Variants in RBMS3 observed in about 807,000 individuals in gnomAD.
RBMS3 encodes the protein RNA binding motif single stranded interacting protein 3.
Under a neutral mutation model 66.8 loss-of-function variants are expected in RBMS3, and 27 were observed. That is an observed-to-expected ratio of 0.40 (90% CI 0.30 to 0.56). RBMS3 has a LOEUF of 0.56. RBMS3 is among the 20% of genes least tolerant of loss of function. The pLI is 0.40. For synonymous variants in RBMS3, 188 were observed against 183.0 expected (o/e 1.03, Z -0.22); for missense variants, 513 against 549.5 (o/e 0.93, Z 0.66).
intron 1 of RBMS3, among the ~76,000 whole-genome samples, chr3:29,370,706 A>T (rs1305323912): frequency 1.3e-5 from 2 of 152,170 alleles, no homozygotes; most frequent in South Asian, 2.1e-4. Context: ...ATTAGTGTGG[A>T]TTGCTTTGGT....
intron 6 of RBMS3, among the ~76,000 whole-genome samples, chr3:29,781,691 G>A (rs773365390): frequency 1.7e-4 from 26 of 151,954 alleles, no homozygotes; most frequent in Admixed American, 1.1e-3. Context: ...CCAAAAAACC[G>A]TGAGTCTGCT....
At chr3:29,868,647 A>T (rs1314369322) in intron 6 of RBMS3, among the ~76,000 whole-genome samples, 2 of 152,176 alleles carry the variant, frequency 1.3e-5, no homozygotes, top group East Asian at 3.9e-4. Context: ...AATATTTGTT[A>T]TATTCTTTTA....
intron 2 of RBMS3, among the ~76,000 whole-genome samples, chr3:29,445,981 G>T (rs2041816336): frequency 6.6e-6 from 1 of 152,090 alleles, no homozygotes; most frequent in Non-Finnish European, 1.5e-5. Context: ...GATGAGTTTT[G>T]AAAATGCATG....
chr3:29,318,883 G>A (rs181700819), intron 1 of RBMS3, among the ~76,000 whole-genome samples: 169 of 151,832 alleles, frequency 1.1e-3, no homozygotes, highest in Non-Finnish European at 1.9e-3. Context: ...GGGGCATAAA[G>A]GGATCAAAAT....
At chr3:29,369,667 G>A (rs1452877877) in intron 1 of RBMS3, among the ~76,000 whole-genome samples, 1 of 150,130 alleles carries the variant, frequency 6.7e-6, no homozygotes, top group African/African-American at 2.5e-5. Flanking sequence ...AGGAAAGACA[G>A]GTGGGAAAAT....
chr3:29,955,311 G>C (rs546958065), intron 12 of RBMS3, among the ~76,000 whole-genome samples: 2 of 151,934 alleles, frequency 1.3e-5, no homozygotes. Context: ...ATCCAATGCC[G>C]ATTTCAGCTG....
intron 12 of RBMS3, among the ~76,000 whole-genome samples, chr3:29,946,502 G>A (rs1695322757): frequency 6.6e-6 from 1 of 151,648 alleles, no homozygotes; most frequent in African/African-American, 2.4e-5. Context: ...GGGATACAAA[G>A]ATGAGCAGAA....
At chr3:29,722,863 C>G (rs2053701940) in intron 4 of RBMS3, among the ~76,000 whole-genome samples, 1 of 152,038 alleles carries the variant, frequency 6.6e-6, no homozygotes, top group African/African-American at 2.4e-5. Flanking sequence ...ACTTTGATCA[C>G]TTGTTTGCGG....
At chr3:29,796,931 C>G (rs1477097406) in intron 6 of RBMS3, among the ~76,000 whole-genome samples, 1 of 151,988 alleles carries the variant, frequency 6.6e-6, no homozygotes, top group Non-Finnish European at 1.5e-5. Context: ...CCAGGATGGT[C>G]TCGATCTCCT....
chr3:29,739,992 T>C, intron 5 of RBMS3, 115 bp downstream of exon 5: 1 of 713,416 alleles, frequency 1.4e-6, no homozygotes, highest in Non-Finnish European at 2.1e-6. Context: ...AAAAAAAAAT[T>C]AAAAGTAGCT....
chr3:29,766,338 A>T (rs879863723), intron 6 of RBMS3: 20 of 152,108 alleles, frequency 1.3e-4, no homozygotes, highest in Non-Finnish European at 2.9e-4. Context: ...ACAAGGAAAA[A>T]ATCTATTTCA....
intron 12 of RBMS3, among the ~76,000 whole-genome samples, chr3:29,967,312 G>A (rs897573672): frequency 6.6e-6 from 1 of 151,992 alleles, no homozygotes; most frequent in Non-Finnish European, 1.5e-5. Flanking sequence ...CTATGAATCC[G>A]TCTGGTCCTG....
At position 29,434,571 on chromosome 3, in the gene RBMS3, G is replaced by T. The variant is rs537064164; in HGVS notation, c.76-172G>T. 3.5e-4 allele frequency among the ~76,000 whole-genome samples: 53 copies of T among 152,130 alleles called. 1 individual carries two copies. The highest frequency in any genetic ancestry group is 6.5e-4 in the Non-Finnish European group (44 of 68,026). ...ATGCTGATCTGAATGGAGGGCCAGG[G>T]CGGGGGACGATATTCTTGAATGCAA... On this transcript the variant is annotated intron_variant, in intron 1 of 14. Transcript: ENST00000383767.
intron 6 of RBMS3, among the ~76,000 whole-genome samples, chr3:29,847,586 C>T (rs544857474): frequency 6.6e-6 from 1 of 151,830 alleles, no homozygotes; most frequent in Non-Finnish European, 1.5e-5. Context: ...ACTAGTCATT[C>T]TGTTAAATCC....
intron 11 of RBMS3, among the ~76,000 whole-genome samples, chr3:29,943,578 T>C (rs1400944501): frequency 5.9e-5 from 9 of 151,782 alleles, no homozygotes; most frequent in Non-Finnish European, 8.8e-5. Flanking sequence ...GGGATAAAGA[T>C]AACCGTCACG....
intron 10 of RBMS3, among the ~76,000 whole-genome samples, chr3:29,919,526 T>C (rs1016474789): frequency 6.6e-6 from 1 of 152,230 alleles, no homozygotes; most frequent in Non-Finnish European, 1.5e-5. Flanking sequence ...CATTGCTCCA[T>C]TTGCTAATCC....
chr3:29,814,624 G>T (rs1309449168), intron 6 of RBMS3, among the ~76,000 whole-genome samples: 1 of 152,078 alleles, frequency 6.6e-6, no homozygotes, highest in Non-Finnish European at 1.5e-5. Flanking sequence ...ACTCTTTTTG[G>T]TTGGTAAGCT....
At chr3:29,809,579 T>C (rs73831063) in intron 6 of RBMS3, among the ~76,000 whole-genome samples, 2,179 of 152,058 alleles carry the variant, frequency 0.014, 49 homozygotes, top group South Asian at 0.059. Context: ...ATCATATATT[T>C]GATTGATAAA....
At chr3:29,362,615 C>T (rs1575617915) in intron 1 of RBMS3, among the ~76,000 whole-genome samples, 1 of 152,162 alleles carries the variant, frequency 6.6e-6, no homozygotes, top group East Asian at 1.9e-4. Flanking sequence ...CTGCGTCACT[C>T]ACACTGGGAG....
Sources: gnomAD v4.1 joint callset for allele counts (sites outside exome capture counted in the v4.1 genomes callset) on GRCh38, gnomAD v4.1.1 for gene constraint, MANE v1.5 for transcripts, NCBI Gene and HGNC (gene_info 2026-07-23, HGNC 2026-07-21) for gene names.